Variants in CELF4 observed in about 807,000 individuals in gnomAD.
CELF4 encodes the protein CUG-BP- and ETR-3-like factor 4.
In CELF4, 18 loss-of-function variants were observed where a neutral mutation model predicts 59.9. The observed-to-expected ratio is 0.30, with a 90% CI of 0.21 to 0.45. The LOEUF (loss-of-function observed/expected upper bound fraction) is 0.45. CELF4 is among the 20% of genes least tolerant of loss of function. CELF4 has a pLI of 1.00. For missense variants in CELF4, 456 were observed against 689.0 expected, an observed-to-expected ratio of 0.66 and a Z score of 3.79; for synonymous variants, 261 against 267.1, an observed-to-expected ratio of 0.98 and a Z score of 0.22.
Position 37,280,215 on chromosome 18 carries a change from A to G in CELF4, c.449-4972T>C, listed in dbSNP as rs146206361. On this transcript the variant is annotated intron_variant, in intron 3 of 12. Coordinates refer to ENST00000420428, the MANE Select transcript of CELF4 (RefSeq NM_020180.4). ...AAAACTGTGGACAGGAGAAGCTTCC[A>G]GTTCTGTGTCAGGTGAAGATGCTTA... Among the ~76,000 whole-genome samples the G allele has an allele frequency of 1.8e-3, 280 of 152,334 alleles. 6 individuals are homozygous for G. The East Asian group carries it at 0.05, about 27-fold the overall frequency.
At chr18:37,321,724 T>A in intron 3 of CELF4, 79 bp downstream of exon 3, 2 of 1,050,838 alleles carry the variant, frequency 1.9e-6, no homozygotes. Flanking sequence ...GGGGAGTCGC[T>A]GCATCGCCTT....
rs540628561 is a variant in CELF4 at position 37,494,757 on chromosome 18, C to T, written c.287-9150G>A. On this transcript the variant is annotated intron_variant, in intron 1 of 12. Coordinates refer to ENST00000420428, the MANE Select transcript of CELF4 (RefSeq NM_020180.4). ...TTTTTGGGCTCAGTTCCTGCTTTCC[C>T]CTCCAGGAGCCCTAGGCAGTGTCTG... 7.9e-5 allele frequency among the ~76,000 whole-genome samples: 12 copies of T among 152,292 alleles called. No homozygotes were observed. In the East Asian group the frequency reaches 1.7e-3, roughly 22 times the overall value.
chr18:37,266,354 G>A (rs111551333), intron 9 of CELF4, 179 bp downstream of exon 9: 19 of 678,506 alleles, frequency 2.8e-5, no homozygotes, highest in African/African-American at 1.4e-4. Flanking sequence ...GGGCACTCTC[G>A]GTGGCCCGCT....
intron 1 of CELF4, among the ~76,000 whole-genome samples, chr18:37,539,839 C>T (rs1387759080): frequency 6.6e-6 from 1 of 152,096 alleles, no homozygotes; most frequent in African/African-American, 2.4e-5. Flanking sequence ...AGCCACACAC[C>T]GCTGTTAGCT....
At chr18:37,544,146 T>C (rs987236874) in intron 1 of CELF4, among the ~76,000 whole-genome samples, 15 of 116,404 alleles carry the variant, frequency 1.3e-4, no homozygotes, top group Non-Finnish European at 2.2e-4. Context: ...TGAACTCTTT[T>C]ACTTCCTTTT....
intron 8 of CELF4, among the ~76,000 whole-genome samples, chr18:37,267,801 C>T (rs1569321297): frequency 1.3e-5 from 2 of 151,942 alleles, no homozygotes; most frequent in South Asian, 2.1e-4. Flanking sequence ...TTTGGGAGGC[C>T]GAGGTGGGTG....
chr18:37,433,525 C>A (rs2099677788), intron 2 of CELF4, among the ~76,000 whole-genome samples: 1 of 152,228 alleles, frequency 6.6e-6, no homozygotes, highest in Admixed American at 6.5e-5. Context: ...ACACGGTAGG[C>A]AAATGATGGT....
chr18:37,254,580 T>G lies in CELF4; in HGVS notation c.1334-642A>C, dbSNP rs1416636289. ...CCAGGCTCCGGGTGGGCCCTGGGCG[T>G]CACCTCGCCCCGGGCGCCGTCGGCA... is the stretch of plus-strand genomic sequence containing the variant. On this transcript the variant is annotated intron_variant, in intron 11 of 12. Coordinates refer to ENST00000420428, the MANE Select transcript of CELF4 (RefSeq NM_020180.4). This position sits in a 1 kb window ranked among gnomAD's most constrained non-coding sequence, Gnocchi z 5.1. Among the ~76,000 whole-genome samples, 1 of 152,000 alleles carries G rather than the reference T, an allele frequency of 6.6e-6. No homozygotes were observed. Among genetic ancestry groups the G allele is most frequent in the Non-Finnish European group, 1.5e-5 (1 of 67,972 alleles).
chr18:37,255,877 G>A (rs1314911367), intron 11 of CELF4, among the ~76,000 whole-genome samples: 4 of 152,196 alleles, frequency 2.6e-5, no homozygotes, highest in South Asian at 2.1e-4. Context: ...CAGGCGTAGC[G>A]GCAGGCAGAA....
chr18:37,270,981 G>C, intron 7 of CELF4, 64 bp from the exon 8 acceptor site: 2 of 1,401,120 alleles, frequency 1.4e-6, no homozygotes, highest in South Asian at 2.7e-5. Flanking sequence ...GGTGAGGAAG[G>C]CCCACCCATA....
Position 37,449,229 on chromosome 18 carries a change from G to T in CELF4, c.369+36296C>A, listed in dbSNP as rs777327623. Among the ~76,000 whole-genome samples the T allele has an allele frequency of 4.6e-5, 7 of 152,144 alleles. 1 individual carries two copies. The highest frequency in any genetic ancestry group is 7.2e-5 in the African/African-American group (3 of 41,420). On this transcript the variant is annotated intron_variant, in intron 2 of 12. Coordinates refer to ENST00000420428, the MANE Select transcript of CELF4 (RefSeq NM_020180.4). ...GCATCTGAATGCTTTAGAACGATTT[G>T]GGTCCTGAGGCAAGAGGAAGGATGT...
chr18:37,287,641 C>G (rs908096502), intron 3 of CELF4, among the ~76,000 whole-genome samples: 1 of 152,178 alleles, frequency 6.6e-6, no homozygotes, highest in Non-Finnish European at 1.5e-5. Flanking sequence ...GGGTTCCTTT[C>G]TATTCCACTT....
chr18:37,465,020 T>G (rs538635864), intron 2 of CELF4, among the ~76,000 whole-genome samples: 1 of 152,250 alleles, frequency 6.6e-6, no homozygotes, highest in African/African-American at 2.4e-5. Context: ...GGAAAGTCTC[T>G]TAACCTCCAC....
intron 3 of CELF4, among the ~76,000 whole-genome samples, chr18:37,295,440 G>A (rs1220332561): frequency 6.6e-6 from 1 of 152,208 alleles, no homozygotes; most frequent in African/African-American, 2.4e-5. Context: ...CTTGAATTCA[G>A]CAGCAGTAGA....
Position 37,264,767 on chromosome 18 carries a change from C to A in CELF4, c.1166-10G>T. 6.4e-7 allele frequency: 1 copy of A among 1,564,594 alleles called. No homozygotes were observed. The highest frequency in any genetic ancestry group is 2.4e-5 in the East Asian group (1 of 42,346). On this transcript the variant is annotated splice_polypyrimidine_tract_variant and intron_variant, in intron 9 of 12. Transcript: ENST00000420428. ...GCAGGGTAGGCAGCTGCTGGAGGCC[C>A]AAGACAAGAAGCAAGAGCCGGCGAC... is the stretch of plus-strand genomic sequence containing the variant.
chr18:37,282,424 A>G lies in CELF4; in HGVS notation c.449-7181T>C, dbSNP rs563228920. Among the ~76,000 whole-genome samples, 10 of 152,256 alleles carry G rather than the reference A, an allele frequency of 6.6e-5. No homozygotes were observed. In the South Asian group the frequency reaches 1.4e-3, roughly 22 times the overall value. ...CATGGCATTTCCATGAATTCTCCCA[A>G]TCCAGATCTGTCAAGCACCCATGGT... On this transcript the variant is annotated intron_variant, in intron 3 of 12. Coordinates refer to ENST00000420428, the MANE Select transcript of CELF4 (RefSeq NM_020180.4).
At chr18:37,371,351 C>T (rs2098872182) in intron 2 of CELF4, among the ~76,000 whole-genome samples, 1 of 152,214 alleles carries the variant, frequency 6.6e-6, no homozygotes, top group Non-Finnish European at 1.5e-5. Flanking sequence ...GGCCAAGGCC[C>T]CAGGGTGCTC....
At chr18:37,327,980 C>A (rs1009949263) in intron 2 of CELF4, among the ~76,000 whole-genome samples, 1 of 152,216 alleles carries the variant, frequency 6.6e-6, no homozygotes, top group Non-Finnish European at 1.5e-5. Flanking sequence ...CATGAACCTG[C>A]ACTACTCCTT....
intron 1 of CELF4, among the ~76,000 whole-genome samples, chr18:37,509,651 T>G (rs2099942014): frequency 6.6e-6 from 1 of 152,252 alleles, no homozygotes; most frequent in Non-Finnish European, 1.5e-5. Context: ...CTAGCAATTC[T>G]ACTCCTAGGT....
Sources: allele counts gnomAD v4.1 joint callset (sites outside exome capture counted in the v4.1 genomes callset), GRCh38; gene constraint gnomAD v4.1.1; non-coding constraint Gnocchi (gnomAD v3.1); transcripts MANE v1.5; gene names NCBI Gene and HGNC (gene_info 2026-07-23, HGNC 2026-07-21).